LPP: variants seen among roughly 807,000 people sequenced by gnomAD.
LPP encodes LIM domain containing preferred translocation partner in lipoma.
Under a neutral mutation model 60.4 loss-of-function variants are expected in LPP, and 38 were observed. That is an observed-to-expected ratio of 0.63 (90% CI 0.49 to 0.83). LPP has a LOEUF of 0.83. Among genes scored for constraint, LPP ranks in the 40% least tolerant of loss-of-function variants. The pLI is 0.00. For synonymous variants in LPP, 328 were observed against 290.8 expected (o/e 1.13, Z -1.30); for missense variants, 902 against 783.6 (o/e 1.15, Z -1.80).
chr3:188,404,331 A>G (rs527545553), intron 3 of LPP, among the ~76,000 whole-genome samples: 2 of 152,258 alleles, frequency 1.3e-5, no homozygotes, highest in East Asian at 3.9e-4. Flanking sequence ...CGCAGCCTCA[A>G]TCTCCCAGGC....
intron 9 of LPP, among the ~76,000 whole-genome samples, chr3:188,846,645 C>CT (rs34948982): frequency 7.2e-6 from 1 of 139,026 alleles, no homozygotes; most frequent in African/African-American, 2.7e-5. Flanking sequence ...GATTGCACCA[C>CT]TGCACTCCAG....
intron 2 of LPP, among the ~76,000 whole-genome samples, chr3:188,331,867 T>C (rs1760170744): frequency 6.6e-6 from 1 of 152,210 alleles, no homozygotes; most frequent in Non-Finnish European, 1.5e-5. Context: ...AACCTCAGTT[T>C]CCCAAGATGC....
chr3:188,291,903 C>T (rs1288639629), intron 2 of LPP, among the ~76,000 whole-genome samples: 1 of 152,098 alleles, frequency 6.6e-6, no homozygotes, highest in African/African-American at 2.4e-5. Context: ...GCTTTCTGCT[C>T]CACCACCCTG....
At chr3:188,578,089 A>G (rs1338022365) in intron 6 of LPP, among the ~76,000 whole-genome samples, 2 of 152,084 alleles carry the variant, frequency 1.3e-5, no homozygotes, top group African/African-American at 4.8e-5. Context: ...CAAAGATATA[A>G]CTATTGTTTT....
intron 7 of LPP, among the ~76,000 whole-genome samples, chr3:188,642,875 G>T (rs1850427476): frequency 6.6e-6 from 1 of 152,078 alleles, no homozygotes; most frequent in African/African-American, 2.4e-5. Context: ...TGCAGAGGTT[G>T]CGGTAAGCTG....
At chr3:188,659,810 G>GCACACA (rs139762080) in intron 7 of LPP, among the ~76,000 whole-genome samples, 3,476 of 128,550 alleles carry the variant, frequency 0.027, 48 homozygotes, top group South Asian at 0.093. Flanking sequence ...TAGATCCTAT[G>GCACACA]CACACACACA....
In LPP at chr3:188,609,135, TTTC is replaced by T. The variant is rs749297773; in HGVS notation, c.430-23_430-21del. 18 of 1,524,126 alleles carry T rather than the reference TTTC, an allele frequency of 1.2e-5. No individual in the cohort carries two copies. The highest frequency in any genetic ancestry group is 9.9e-5 in the South Asian group (8 of 80,964). The allele number at this position is 1,524,126 out of a possible 1,614,324, so 94.4% of individuals were successfully genotyped here. On this transcript the variant is annotated intron_variant, in intron 6 of 11. Transcript: ENST00000617246. This position sits in a 1 kb window ranked among gnomAD's most constrained non-coding sequence, Gnocchi z 6.9. ...TTGGCAGTAATTTTTGCTTTCTTTC[TTTC>T]TTTTTTTTCCTATTCTTTTTAGAGC...
At chr3:188,753,262 C>T (rs1330982199) in intron 8 of LPP, among the ~76,000 whole-genome samples, 3 of 152,134 alleles carry the variant, frequency 2.0e-5, no homozygotes, top group African/African-American at 7.2e-5. Flanking sequence ...GTGCTGAGCA[C>T]AGATAAAAAT....
At chr3:188,789,651 CACTT>C (rs1314419729) in intron 9 of LPP, among the ~76,000 whole-genome samples, 1 of 145,192 alleles carries the variant, frequency 6.9e-6, no homozygotes, top group African/African-American at 2.6e-5. Context: ...GAAACCAGCT[CACTT>C]ACTTATTCAT....
intron 2 of LPP, among the ~76,000 whole-genome samples, chr3:188,272,264 T>G (rs1186081824): frequency 6.6e-6 from 1 of 152,196 alleles, no homozygotes; most frequent in East Asian, 1.9e-4. Flanking sequence ...TTTAATATAT[T>G]TCCAGATTGT....
chr3:188,297,104 G>C (rs1240416078), intron 2 of LPP, among the ~76,000 whole-genome samples: 2 of 152,166 alleles, frequency 1.3e-5, no homozygotes, highest in Non-Finnish European at 2.9e-5. Context: ...GAAAAACCAG[G>C]GGCAGTTTCC....
At chr3:188,786,410 A>C in intron 9 of LPP, among the ~76,000 whole-genome samples, 1 of 147,386 alleles carries the variant, frequency 6.8e-6, no homozygotes, top group Non-Finnish European at 1.5e-5. Context: ...AAAAAAAAAA[A>C]ACCAACCATC....
chr3:188,399,884 T>A (rs1161177162), intron 3 of LPP, among the ~76,000 whole-genome samples: 2 of 152,210 alleles, frequency 1.3e-5, no homozygotes, highest in African/African-American at 4.8e-5. Flanking sequence ...CACTACTTCT[T>A]TCTGTTTTTG....
At chr3:188,354,154 T>C (rs1347957966) in intron 3 of LPP, among the ~76,000 whole-genome samples, 1 of 152,206 alleles carries the variant, frequency 6.6e-6, no homozygotes, top group East Asian at 1.9e-4. Context: ...ATATTCTTTC[T>C]GAAAAGAAAA....
intron 2 of LPP, among the ~76,000 whole-genome samples, chr3:188,237,580 A>G (rs1722357136): frequency 6.6e-6 from 1 of 152,270 alleles, no homozygotes; most frequent in East Asian, 1.9e-4. Context: ...TTAGCAGACA[A>G]GAAAACAACA....
rs149876077 is a variant in LPP at position 188,198,510 on chromosome 3, G to T, written c.-189-26895G>T. Among the ~76,000 whole-genome samples, 495 of 152,320 alleles carry T rather than the reference G, an allele frequency of 3.2e-3. 4 individuals carry two copies. The highest frequency in any genetic ancestry group is 0.011 in the African/African-American group (477 of 41,572). ...TGGATAGACTTTGGTATCTGACATT[G>T]TAGGCACTGGGTGGAGTGCTCCTCA... On this transcript the variant is annotated intron_variant, in intron 1 of 11. Transcript: ENST00000617246.
chr3:188,599,857 T>A (rs1252937861), intron 6 of LPP, among the ~76,000 whole-genome samples: 1 of 151,166 alleles, frequency 6.6e-6, no homozygotes, highest in Non-Finnish European at 1.5e-5. Flanking sequence ...AGCAATGTTT[T>A]GAACTCGGTG....
intron 2 of LPP, among the ~76,000 whole-genome samples, chr3:188,277,169 G>T (rs1402632148): frequency 6.6e-6 from 1 of 152,056 alleles, no homozygotes; most frequent in African/African-American, 2.4e-5. Flanking sequence ...CTCACAACGT[G>T]CTGGGATTAC....
At chr3:188,591,033 C>T (rs1033644990) in intron 6 of LPP, among the ~76,000 whole-genome samples, 25 of 152,112 alleles carry the variant, frequency 1.6e-4, no homozygotes, top group Middle Eastern at 3.2e-3. Flanking sequence ...TTTTATATTT[C>T]CTCCTTCCCT....
Sources: gnomAD v4.1 joint callset for allele counts (sites outside exome capture counted in the v4.1 genomes callset) on GRCh38, gnomAD v4.1.1 for gene constraint, Gnocchi (gnomAD v3.1) non-coding constraint, MANE v1.5 for transcripts, NCBI Gene and HGNC (gene_info 2026-07-23, HGNC 2026-07-21) for gene names.